ABRACL: variants seen among roughly 807,000 people sequenced by gnomAD.
ABRACL encodes the protein ABRA C-terminal like, also known as costars family protein ABRACL.
A neutral mutation model predicts 7.0 loss-of-function variants in ABRACL; 4 were observed. The observed-to-expected ratio is 0.57, with a 90% CI of 0.28 to 1.30. The LOEUF (loss-of-function observed/expected upper bound fraction) is 1.30, where lower values mean the gene tolerates loss of function less well. Among genes scored for constraint, ABRACL ranks in the 50% most tolerant of loss-of-function variants. The probability of loss-of-function intolerance (pLI) is 0.10; values close to 1 mark genes in which losing one functional copy is unlikely to be tolerated. For synonymous variants in ABRACL, 30 were observed against 36.0 expected (o/e 0.83, Z 0.60); for missense variants, 104 against 97.3 (o/e 1.07, Z -0.29).
intron 2 of ABRACL, among the ~76,000 whole-genome samples, chr6:139,039,735 T>C (rs1786216489): frequency 6.6e-6 from 1 of 152,100 alleles, no homozygotes; most frequent in African/African-American, 2.4e-5. Flanking sequence ...AGGCAAGTGA[T>C]AGATGCAAGG....
chr6:139,034,339 G>C (rs1562219173), intron 2 of ABRACL, 118 bp downstream of exon 2: 1 of 1,590,298 alleles, frequency 6.3e-7, no homozygotes, highest in East Asian at 2.3e-5. Flanking sequence ...AGGTCTGGGA[G>C]CTCTGCCCAC....
At chr6:139,036,280 T>A (rs1453092200) in intron 2 of ABRACL, among the ~76,000 whole-genome samples, 3 of 152,222 alleles carry the variant, frequency 2.0e-5, no homozygotes, top group African/African-American at 7.2e-5. Flanking sequence ...TGGATTACAC[T>A]GGGCTCACCC....
chr6:139,036,165 T>G (rs191862914), intron 2 of ABRACL, among the ~76,000 whole-genome samples: 224 of 151,604 alleles, frequency 1.5e-3, no homozygotes, highest in African/African-American at 5.0e-3. Context: ...GGTCATGAAC[T>G]CCTGGCCTCA....
At chr6:139,036,230 C>T (rs532598886) in intron 2 of ABRACL, among the ~76,000 whole-genome samples, 200 of 152,142 alleles carry the variant, frequency 1.3e-3, no homozygotes, top group Non-Finnish European at 3.4e-4. Flanking sequence ...TGTGAGCCAC[C>T]GTGCCTGGCC....
intron 2 of ABRACL, among the ~76,000 whole-genome samples, chr6:139,037,222 T>C (rs569743304): frequency 6.6e-6 from 1 of 152,178 alleles, no homozygotes; most frequent in East Asian, 1.9e-4. Context: ...GAATGTATTG[T>C]TTGAAGAGAA....
intron 2 of ABRACL, among the ~76,000 whole-genome samples, chr6:139,034,917 A>G (rs1375878330): frequency 1.3e-5 from 2 of 152,236 alleles, no homozygotes; most frequent in Non-Finnish European, 2.9e-5. Context: ...TATTTGGTAC[A>G]TCTCAGATGA....
At chr6:139,033,213 GAGTT>G (rs1054501895) in intron 1 of ABRACL, among the ~76,000 whole-genome samples, 33 of 152,336 alleles carry the variant, frequency 2.2e-4, no homozygotes, top group African/African-American at 7.7e-4. Context: ...CTACAGCCTA[GAGTT>G]CAAGGGGGTG....
At chr6:139,041,289 G>T (rs985065613) in intron 2 of ABRACL, among the ~76,000 whole-genome samples, 1 of 149,894 alleles carries the variant, frequency 6.7e-6, no homozygotes, top group African/African-American at 2.4e-5. Flanking sequence ...TATGAGACAG[G>T]GTCTCAACTC....
In ABRACL at chr6:139,029,110, G is replaced by A. The variant is rs79269256; in HGVS notation, c.-7+235G>A. 2.3e-3 allele frequency among the ~76,000 whole-genome samples: 346 copies of A among 152,262 alleles called. 12 individuals are homozygous for A. In the East Asian group the frequency reaches 0.06, roughly 27 times the overall value. On this transcript the variant is annotated intron_variant, in intron 1 of 2. Transcript: ENST00000367660. The stretch of plus-strand genomic sequence containing the variant: ...GGGTCGACTTCCGCACTCGGCTCAC[G>A]TGACGTTTCGCCGGCCGGGGGCGGA...
At chr6:139,037,718 C>T (rs1786184118) in intron 2 of ABRACL, among the ~76,000 whole-genome samples, 1 of 151,900 alleles carries the variant, frequency 6.6e-6, no homozygotes, top group South Asian at 2.1e-4. Flanking sequence ...CTGATTTTTC[C>T]TGAGCTCAGT....
At chr6:139,030,757 G>A (rs768900361) in intron 1 of ABRACL, among the ~76,000 whole-genome samples, 6 of 152,124 alleles carry the variant, frequency 3.9e-5, no homozygotes, top group East Asian at 1.9e-4. Flanking sequence ...AAGAGGAAGC[G>A]GGGAAACAGC....
intron 1 of ABRACL, among the ~76,000 whole-genome samples, chr6:139,033,235 C>A (rs1786107525): frequency 6.6e-6 from 1 of 152,208 alleles, no homozygotes; most frequent in Admixed American, 6.5e-5. Flanking sequence ...GTGGAAGAGG[C>A]TGGAACAGTG....
chr6:139,030,600 C>T (rs1786067677), intron 1 of ABRACL, among the ~76,000 whole-genome samples: 1 of 152,134 alleles, frequency 6.6e-6, no homozygotes, highest in Non-Finnish European at 1.5e-5. Flanking sequence ...TGTTTTTAAA[C>T]CTGTTATTTT....
intron 2 of ABRACL, among the ~76,000 whole-genome samples, chr6:139,040,801 G>A (rs879894334): frequency 3.9e-5 from 6 of 152,098 alleles, no homozygotes; most frequent in Non-Finnish European, 5.9e-5. Context: ...TAAACTTCAC[G>A]CTGGTCACTG....
At chr6:139,041,616 C>T (rs148274516) in intron 2 of ABRACL, among the ~76,000 whole-genome samples, 379 of 150,276 alleles carry the variant, frequency 2.5e-3, no homozygotes, top group Non-Finnish European at 4.6e-3. Flanking sequence ...CTACCTTGGC[C>T]TCCCAAAGTG....
At chr6:139,041,421 A>G (rs1276810189) in intron 2 of ABRACL, among the ~76,000 whole-genome samples, 3 of 115,230 alleles carry the variant, frequency 2.6e-5, no homozygotes, top group Admixed American at 9.5e-5. Context: ...ATTCCACCAG[A>G]CCCATCTCTC....
chr6:139,037,402 A>T, intron 2 of ABRACL, among the ~76,000 whole-genome samples: 1 of 152,102 alleles, frequency 6.6e-6, no homozygotes. Flanking sequence ...CTGGTATTAC[A>T]GGTGTCCACG....
At chr6:139,036,608 A>T (rs1380158940) in intron 2 of ABRACL, among the ~76,000 whole-genome samples, 1 of 152,192 alleles carries the variant, frequency 6.6e-6, no homozygotes, top group Admixed American at 6.5e-5. Flanking sequence ...GTATCTATAT[A>T]TGCTAATAAC....
At chr6:139,030,220 T>A (rs1786059850) in intron 1 of ABRACL, among the ~76,000 whole-genome samples, 1 of 152,176 alleles carries the variant, frequency 6.6e-6, no homozygotes, top group Non-Finnish European at 1.5e-5. Context: ...TACATTCGTA[T>A]AACCAAATCA....
Sources: gnomAD v4.1 joint callset for allele counts (sites outside exome capture counted in the v4.1 genomes callset) on GRCh38, gnomAD v4.1.1 for gene constraint, MANE v1.5 for transcripts, NCBI Gene and HGNC (gene_info 2026-07-23, HGNC 2026-07-21) for gene names.